The following SLC2A10 variants were observed in gnomAD, a reference collection of about 807,000 sequenced individuals.
SLC2A10 encodes solute carrier family 2, facilitated glucose transporter member 10.
A neutral mutation model predicts 32.1 loss-of-function variants in SLC2A10; 25 were observed. The observed-to-expected ratio is 0.78, with a 90% CI of 0.57 to 1.09. The LOEUF (loss-of-function observed/expected upper bound fraction) is 1.09. SLC2A10 is among the 50% of genes least tolerant of loss of function. SLC2A10 has a pLI of 0.00. For missense variants in SLC2A10, 673 were observed against 686.5 expected (o/e 0.98, Z 0.22); for synonymous variants, 332 against 309.6 (o/e 1.07, Z -0.76).
At position 46,727,003 on chromosome 20, in the gene SLC2A10, C is replaced by T; in HGVS notation, c.1411+17C>T. 1 of 1,614,246 alleles carries T rather than the reference C, an allele frequency of 6.2e-7. No homozygotes were observed. Among genetic ancestry groups the T allele is most frequent in the Middle Eastern group, 1.6e-4 (1 of 6,062 alleles). On this transcript the variant is annotated intron_variant, in intron 3 of 4. Transcript: ENST00000359271. ...ATCTCATTGGTGAGTCCTTCCCAGACAAGTCCGTTTTTTTTCTGTGGCCCA... is the reference window on the plus strand; with the variant it reads ...ATCTCATTGGTGAGTCCTTCCCAGATAAGTCCGTTTTTTTTCTGTGGCCCA...
chr20:46,733,736 A>G lies in SLC2A10; in HGVS notation c.1548-20A>G, dbSNP rs900277732. Reference sequence around the variant, plus strand: ...CCAGGCCCTGCCACCCCCTGATCCCACGCATTCTTTGTCTGACAGGTTCAC... The same window carrying G: ...CCAGGCCCTGCCACCCCCTGATCCCGCGCATTCTTTGTCTGACAGGTTCAC... On this transcript the variant is annotated intron_variant, in intron 4 of 4. Transcript: ENST00000359271. 2.5e-6 allele frequency: 4 copies of G among 1,611,560 alleles called. No homozygotes were observed. The African/African-American group carries it at 5.3e-5, about 22-fold the overall frequency.
At chr20:46,709,991 C>T in intron 1 of SLC2A10, 3 of 539,382 alleles carry the variant, frequency 5.6e-6, no homozygotes, top group Non-Finnish European at 9.7e-6. Context: ...AGCGCCCACT[C>T]GGGCCCAGGC....
intron 4 of SLC2A10, among the ~76,000 whole-genome samples, chr20:46,732,912 C>T (rs559628272): frequency 6.6e-6 from 1 of 151,958 alleles, no homozygotes; most frequent in African/African-American, 2.4e-5. Flanking sequence ...AGCAAAGGCC[C>T]GGAGGTGGAA....
At chr20:46,728,247 C>T (rs1212608351) in intron 3 of SLC2A10, among the ~76,000 whole-genome samples, 2 of 152,198 alleles carry the variant, frequency 1.3e-5, no homozygotes, top group East Asian at 3.9e-4. Flanking sequence ...CAGCCCATTG[C>T]TCTCCCTGCT....
intron 1 of SLC2A10, 78 bp downstream of exon 1, chr20:46,709,818 A>C: frequency 6.6e-7 from 1 of 1,509,306 alleles, no homozygotes; most frequent in Non-Finnish European, 9.0e-7. Flanking sequence ...CGCTCCCCTA[A>C]GAGTGCGCGC....
chr20:46,712,349 A>G (rs972240077), intron 1 of SLC2A10, among the ~76,000 whole-genome samples: 6 of 152,182 alleles, frequency 3.9e-5, no homozygotes, highest in African/African-American at 1.4e-4. Flanking sequence ...ACACTACTCT[A>G]GTGTCACCAA....
upstream of SLC2A10, chr20:46,709,597 G>T: frequency 2.8e-6 from 3 of 1,089,892 alleles, no homozygotes; most frequent in Non-Finnish European, 3.7e-6. Context: ...GCGGCGCTGC[G>T]CGCGGGAGGG....
At chr20:46,714,875 C>T (rs553269826) in intron 1 of SLC2A10, among the ~76,000 whole-genome samples, 1 of 152,266 alleles carries the variant, frequency 6.6e-6, no homozygotes, top group African/African-American at 2.4e-5. Flanking sequence ...ATCATTTCAC[C>T]ATGCTTTATC....
Position 46,733,918 on chromosome 20 carries a change from G to C in SLC2A10, c.*84G>C. The C allele has an allele frequency of 1.5e-6, 2 of 1,353,448 alleles. No homozygotes were observed. The highest frequency in any genetic ancestry group is 1.2e-5 in the South Asian group (1 of 83,022). The allele number at this position is 1,353,448 out of a possible 1,614,324, so 83.8% of individuals were successfully genotyped here. A position where few individuals can be genotyped will look rare whatever the true frequency, so the allele number is the denominator to read the frequency against. On this transcript the variant is annotated 3_prime_UTR_variant, in exon 5 of 5. Transcript: ENST00000359271. The stretch of plus-strand genomic sequence containing the variant: ...CTGCTTCCTAGGCCCCAGAGCACAA[G>C]TTCCAGCTGGTCTTTTGGGAGTGGC...
Position 46,735,984 on chromosome 20 carries a change from C to G in SLC2A10, c.*2150C>G, listed in dbSNP as rs6012025. On this transcript the variant is annotated 3_prime_UTR_variant, in exon 5 of 5. Transcript: ENST00000359271. Reference sequence around the variant, plus strand: ...CCTATACCCATTCTTCAGTGCCTAGCTGTACAGTTATCAGGGATTTTTATT... The same window carrying G: ...CCTATACCCATTCTTCAGTGCCTAGGTGTACAGTTATCAGGGATTTTTATT... The G allele has an allele frequency of 6.6e-6, 1 of 152,088 alleles. No individual in the cohort carries two copies. Among genetic ancestry groups the G allele is most frequent in the Non-Finnish European group, 1.5e-5 (1 of 68,034 alleles). 9.4% of individuals were successfully genotyped at this position (152,088 alleles called of 1,614,324 possible).
At chr20:46,709,483 C>A, upstream of SLC2A10, 1 of 448,612 alleles carries the variant, frequency 2.2e-6, no homozygotes, top group Non-Finnish European at 3.9e-6. Context: ...GGACAGTGGG[C>A]GAGGGAGGGG....
chr20:46,716,088 C>G (rs184943689), intron 1 of SLC2A10, among the ~76,000 whole-genome samples: 13 of 152,138 alleles, frequency 8.5e-5, no homozygotes, highest in African/African-American at 2.7e-4. Context: ...GCTTTACCCC[C>G]CTGATGATCA....
rs1980014089 is a variant in SLC2A10 at position 46,727,051 on chromosome 20, A to G, written c.1411+65A>G. 5.0e-6 allele frequency: 8 copies of G among 1,608,050 alleles called. No individual in the cohort carries two copies. In the South Asian group the frequency reaches 7.7e-5, roughly 15 times the overall value. ...CCAAGCTCCCTACTCTAAAGCAGAA[A>G]TTTTTGGATTTTCCTATGTATTAGC... On this transcript the variant is annotated intron_variant, in intron 3 of 4. Coordinates refer to ENST00000359271, the MANE Select transcript of SLC2A10 (RefSeq NM_030777.4).
intron 1 of SLC2A10, among the ~76,000 whole-genome samples, chr20:46,711,907 A>G (rs1340495133): frequency 1.3e-5 from 2 of 152,128 alleles, no homozygotes; most frequent in South Asian, 2.1e-4. Context: ...CATCACCTAT[A>G]TCTGGTAAAT....
chr20:46,725,981 C>G lies in SLC2A10; in HGVS notation c.945C>G (p.Gly315=), dbSNP rs1979912531. Residue 315 remains glycine (G), a synonymous_variant, in exon 2 of 5, where the codon GGC becomes GGG. Coordinates refer to ENST00000359271, the MANE Select transcript of SLC2A10 (RefSeq NM_030777.4). ...TGGCCCTGTCCGTCAGTGGCATAGGCCTCGTCAGCTTTGCCGTGCCCATGG... is the reference window on the plus strand; with the variant it reads ...TGGCCCTGTCCGTCAGTGGCATAGGGCTCGTCAGCTTTGCCGTGCCCATGG... The part of the protein sequence containing the change: ...ALMALSVSGI[G]LVSFAVPMDS... 1 of 1,613,764 alleles carries G rather than the reference C, an allele frequency of 6.2e-7. No individual in the cohort carries two copies. Among genetic ancestry groups the G allele is most frequent in the Non-Finnish European group, 8.5e-7 (1 of 1,180,044 alleles).
At chr20:46,710,370 C>T (rs991459294) in intron 1 of SLC2A10, 1 of 262,202 alleles carries the variant, frequency 3.8e-6, no homozygotes, top group Non-Finnish European at 7.1e-6. Context: ...CTACTACGTG[C>T]CAGACATTGA....
chr20:46,711,540 G>A (rs977165490), intron 1 of SLC2A10, among the ~76,000 whole-genome samples: 4 of 152,216 alleles, frequency 2.6e-5, no homozygotes, highest in Admixed American at 1.3e-4. Flanking sequence ...AGGACACTCA[G>A]CTTAGCCCTA....
rs78777314 is a variant in SLC2A10, at chr20:46,710,301, A to G, written c.4+561A>G. On this transcript the variant is annotated intron_variant, in intron 1 of 4. Coordinates refer to ENST00000359271, the MANE Select transcript of SLC2A10 (RefSeq NM_030777.4). ...TGTTGCCACTCGGGACTAGGGCTCT[A>G]TTTTTCTCTCTGCATTCAGAAGCCT... 8.0e-3 allele frequency: 2,918 copies of G among 364,502 alleles called. 62 individuals carry two copies. Among genetic ancestry groups the G allele is most frequent in the African/African-American group, 0.041 (1,946 of 48,028 alleles). The allele number at this position is 364,502 out of a possible 1,614,324, so 22.6% of individuals were successfully genotyped here. A position where few individuals can be genotyped will look rare whatever the true frequency, so the allele number is the denominator to read the frequency against.
Position 46,709,717 on chromosome 20 carries a change from G to A in SLC2A10, c.-20G>A. The A allele has an allele frequency of 6.5e-7, 1 of 1,542,178 alleles. No homozygotes were observed. Among genetic ancestry groups the A allele is most frequent in the Non-Finnish European group, 8.7e-7 (1 of 1,144,338 alleles). On this transcript the variant is annotated 5_prime_UTR_variant, in exon 1 of 5. Transcript: ENST00000359271. ...CCCGGCCCCTCAGCGCCCCCAGCAC[G>A]CCGCCGAGTCCCGCTCGCCATGGGT...
Sources: gnomAD v4.1 joint callset for allele counts (sites outside exome capture counted in the v4.1 genomes callset) on GRCh38, gnomAD v4.1.1 for gene constraint, MANE v1.5 for transcripts, NCBI Gene and HGNC (gene_info 2026-07-23, HGNC 2026-07-21) for gene names.